CCDC144A: variants seen among roughly 807,000 people sequenced by gnomAD.
CCDC144A encodes the protein coiled-coil domain containing 144A.
A neutral mutation model predicts 143.8 loss-of-function variants in CCDC144A; 41 were observed. That is an observed-to-expected ratio of 0.29 (90% CI 0.22 to 0.37). CCDC144A has a LOEUF of 0.37. CCDC144A is among the 10% of genes least tolerant of loss of function. CCDC144A has a pLI of 1.00. For synonymous variants in CCDC144A, 242 were observed against 517.9 expected (o/e 0.47, Z 7.23); for missense variants, 637 against 1,488.8 (o/e 0.43, Z 9.41).
chr17:16,701,063 A>G (rs1322010488), intron 2 of CCDC144A, among the ~76,000 whole-genome samples: 2 of 152,278 alleles, frequency 1.3e-5, no homozygotes, highest in African/African-American at 2.4e-5. Flanking sequence ...ATATGCTTCA[A>G]TTTGGGAGAT....
chr17:16,686,747 A>AACACACACACAC (rs142329474), upstream of CCDC144A, among the ~76,000 whole-genome samples: 190 of 140,486 alleles, frequency 1.4e-3, no homozygotes, highest in African/African-American at 4.7e-3. Flanking sequence ...CACACACACA[A>AACACACACACAC]ACACACACAC....
intron 12 of CCDC144A, chr17:16,745,894 T>A (rs1914478574): frequency 3.8e-6 from 6 of 1,596,706 alleles, no homozygotes; most frequent in Non-Finnish European, 5.1e-6. Context: ...CCAGGTCCTT[T>A]CCCCCATCTC....
At chr17:16,691,381 C>T (rs567341100) in intron 1 of CCDC144A, among the ~76,000 whole-genome samples, 1 of 152,220 alleles carries the variant, frequency 6.6e-6, no homozygotes, top group African/African-American at 2.4e-5. Context: ...TGGCAGGAAG[C>T]CATCACCAGA....
chr17:16,747,807 G>A (rs557594506), intron 12 of CCDC144A, among the ~76,000 whole-genome samples: 2 of 152,246 alleles, frequency 1.3e-5, no homozygotes, highest in East Asian at 3.9e-4. Context: ...TCATTTATCA[G>A]TTCCAGGATA....
At chr17:16,758,651 T>C (rs143063483) in intron 12 of CCDC144A, among the ~76,000 whole-genome samples, 2,234 of 152,246 alleles carry the variant, frequency 0.015, 24 homozygotes, top group African/African-American at 0.049. Flanking sequence ...CTGTGGCTTT[T>C]TGTGGTACCT....
In CCDC144A at chr17:16,690,666, G is replaced by T; in HGVS notation, c.266G>T (p.Arg89Leu). 1 of 1,613,866 alleles carries T rather than the reference G, an allele frequency of 6.2e-7. No homozygotes were observed. The highest frequency in any genetic ancestry group is 1.1e-5 in the South Asian group (1 of 91,062). ...CTTGGCGAGCTCCACAGAGCTGCCC[G>T]GTCGGGCGACGTCCCTGGGGTGGAG... Reference protein sequence around the residue: ...EDLGELHRAARSGDVPGVEHI... With the variant: ...EDLGELHRAALSGDVPGVEHI... The change falls in exon 1 of 17, where the codon CGG becomes CTG. Residue 89 changes from arginine (R) to leucine (L), a missense_variant. Transcript: ENST00000399273.
chr17:16,759,488 T>C (rs2143359659), intron 12 of CCDC144A, among the ~76,000 whole-genome samples: 1 of 152,202 alleles, frequency 6.6e-6, no homozygotes, highest in Admixed American at 6.5e-5. Flanking sequence ...TAGAAAGTCC[T>C]GGTTCTTTTA....
intron 12 of CCDC144A, chr17:16,746,508 C>T: frequency 6.2e-7 from 1 of 1,613,812 alleles, no homozygotes; most frequent in Non-Finnish European, 8.5e-7. Flanking sequence ...TTCTCTTCCT[C>T]CACACAGTAG....
chr17:16,712,795 G>A, intron 6 of CCDC144A, among the ~76,000 whole-genome samples: 1 of 152,126 alleles, frequency 6.6e-6, no homozygotes, highest in Non-Finnish European at 1.5e-5. Context: ...GTTAGACCAG[G>A]AGTGTACTGA....
chr17:16,698,912 G>T lies in CCDC144A; in HGVS notation c.415+5863G>T, dbSNP rs1459387848. Reference sequence around the variant, plus strand: ...ATAAAGCGAAATGCTGAATATAGCAGTTCTCAGTACTTGGGGTTTTGGTCA... The same window carrying T: ...ATAAAGCGAAATGCTGAATATAGCATTTCTCAGTACTTGGGGTTTTGGTCA... On this transcript the variant is annotated intron_variant, in intron 2 of 16. Transcript: ENST00000399273. Among the ~76,000 whole-genome samples the T allele has an allele frequency of 1.5e-4, 23 of 152,230 alleles. 1 individual carries two copies. Among genetic ancestry groups the T allele is most frequent in the Admixed American group, 1.5e-3 (23 of 15,288 alleles).
chr17:16,744,893 A>G (rs2037027427), intron 12 of CCDC144A, among the ~76,000 whole-genome samples: 2 of 152,212 alleles, frequency 1.3e-5, no homozygotes, highest in African/African-American at 4.8e-5. Context: ...CTAAAACTCA[A>G]AAACAGGCTG....
intron 12 of CCDC144A, 122 bp from the exon 13 acceptor site, chr17:16,761,303 C>CG: frequency 7.0e-7 from 1 of 1,427,336 alleles, no homozygotes; most frequent in East Asian, 2.6e-5. Flanking sequence ...CACTGTACTC[C>CG]GGCCTGGGCG....
At chr17:16,688,476 CTTTTTCTGTTTTTTT>C (rs1910862033), upstream of CCDC144A, among the ~76,000 whole-genome samples, 1 of 123,226 alleles carries the variant, frequency 8.1e-6, no homozygotes, top group African/African-American at 3.2e-5. Context: ...TACTTTTTTT[CTTTTTCTGTTTTTTT>C]TTTTTTTTTT....
intron 12 of CCDC144A, among the ~76,000 whole-genome samples, chr17:16,755,063 C>T (rs1159680325): frequency 6.6e-6 from 1 of 152,094 alleles, no homozygotes; most frequent in Non-Finnish European, 1.5e-5. Context: ...CTCCTGTGTG[C>T]TTTTGGTTTC....
At chr17:16,755,770 A>G (rs1300162676) in intron 12 of CCDC144A, among the ~76,000 whole-genome samples, 2 of 152,220 alleles carry the variant, frequency 1.3e-5, no homozygotes. Context: ...CAAATTGCCC[A>G]GGCTGGTCTT....
chr17:16,760,134 C>A (rs1915294433), intron 12 of CCDC144A, among the ~76,000 whole-genome samples: 1 of 152,090 alleles, frequency 6.6e-6, no homozygotes, highest in Non-Finnish European at 1.5e-5. Context: ...GAGAGAGAGT[C>A]AGGTAGAAGC....
chr17:16,676,553 TG>T, the CCDC144A span, among the ~76,000 whole-genome samples: 1 of 151,872 alleles, frequency 6.6e-6, no homozygotes, highest in South Asian at 2.1e-4. Flanking sequence ...TGTATTAAAT[TG>T]GCTTTTTTAG....
chr17:16,742,731 T>C (rs1446270689), intron 12 of CCDC144A, among the ~76,000 whole-genome samples: 1 of 152,178 alleles, frequency 6.6e-6, no homozygotes, highest in Non-Finnish European at 1.5e-5. Flanking sequence ...TTCTTTGTTT[T>C]TTGTTTTTTG....
At chr17:16,710,236 G>T (rs1045781495) in intron 5 of CCDC144A, 14 of 162,490 alleles carry the variant, frequency 8.6e-5, no homozygotes, top group Non-Finnish European at 1.2e-4. Flanking sequence ...TGCTAAGGAA[G>T]GGTGAACCAG....
Sources: gnomAD v4.1 joint callset for allele counts (sites outside exome capture counted in the v4.1 genomes callset) on GRCh38, gnomAD v4.1.1 for gene constraint, MANE v1.5 for transcripts, NCBI Gene and HGNC (gene_info 2026-07-23, HGNC 2026-07-21) for gene names.